The following JAZF1 variants were observed in gnomAD, a reference collection of about 807,000 sequenced individuals.
The protein encoded by JAZF1 is JAZF zinc finger 1.
Under a neutral mutation model 26.4 loss-of-function variants are expected in JAZF1, and 8 were observed. The observed-to-expected ratio is 0.30, with a 90% CI of 0.18 to 0.55. The LOEUF (loss-of-function observed/expected upper bound fraction) is 0.55, where lower values mean the gene tolerates loss of function less well. JAZF1 is among the 20% of genes least tolerant of loss of function. The pLI is 0.94. For synonymous variants in JAZF1, 126 were observed against 122.3 expected, an observed-to-expected ratio of 1.03 and a Z score of -0.20; for missense variants, 199 against 322.0, an observed-to-expected ratio of 0.62 and a Z score of 2.92.
intron 3 of JAZF1, among the ~76,000 whole-genome samples, chr7:27,857,069 T>TG (rs1441671637): frequency 1.3e-5 from 2 of 152,112 alleles, no homozygotes; most frequent in African/African-American, 2.4e-5. Context: ...CCTCAGCCCT[T>TG]GGGTGGTTGA....
intron 1 of JAZF1, among the ~76,000 whole-genome samples, chr7:28,041,636 T>C (rs1053444382): frequency 6.6e-6 from 1 of 152,138 alleles, no homozygotes; most frequent in African/African-American, 2.4e-5. Context: ...TGATTTGCAT[T>C]GATGGGTTAT....
At chr7:27,940,934 C>T (rs1784837644) in intron 2 of JAZF1, among the ~76,000 whole-genome samples, 3 of 152,244 alleles carry the variant, frequency 2.0e-5, no homozygotes, top group African/African-American at 7.2e-5. Context: ...ATATAGTGGC[C>T]TGAAATGACT....
chr7:27,960,121 G>C (rs1785164667), intron 2 of JAZF1, among the ~76,000 whole-genome samples: 1 of 152,198 alleles, frequency 6.6e-6, no homozygotes, highest in Non-Finnish European at 1.5e-5. Flanking sequence ...GTATACATCT[G>C]TGAGCACCTC....
intron 1 of JAZF1, among the ~76,000 whole-genome samples, chr7:28,065,622 T>G (rs1226716790): frequency 6.6e-6 from 1 of 152,162 alleles, no homozygotes; most frequent in Non-Finnish European, 1.5e-5. Flanking sequence ...CCAAAAATGT[T>G]TTACATCCTG....
chr7:27,833,986 A>T (rs1782758675), intron 4 of JAZF1, among the ~76,000 whole-genome samples: 1 of 152,222 alleles, frequency 6.6e-6, no homozygotes. Context: ...AGAGTAAGGG[A>T]ACACAGAAGA....
rs545754261 is a variant in JAZF1 at position 27,894,764 on chromosome 7, G to A, written c.385+456C>T. On this transcript the variant is annotated intron_variant, in intron 3 of 4. Coordinates refer to ENST00000283928, the MANE Select transcript of JAZF1 (RefSeq NM_175061.4). Reference sequence around the variant, plus strand: ...AAGGACTCCCCCTTCTTCTCAAGGTGTTGTAAAAACAATGAAGTCTCCTTG... The same window carrying A: ...AAGGACTCCCCCTTCTTCTCAAGGTATTGTAAAAACAATGAAGTCTCCTTG... Among the ~76,000 whole-genome samples the A allele has an allele frequency of 4.1e-4, 62 of 152,310 alleles. 1 individual carries two copies. Among genetic ancestry groups the A allele is most frequent in the African/African-American group, 1.4e-3 (60 of 41,562 alleles).
At chr7:27,918,240 C>T (rs563036539) in intron 2 of JAZF1, among the ~76,000 whole-genome samples, 2 of 152,246 alleles carry the variant, frequency 1.3e-5, no homozygotes, top group Admixed American at 1.3e-4. Context: ...TTATACTGCA[C>T]TTTAATTATT....
chr7:27,833,728 T>C (rs1011063643), intron 4 of JAZF1, among the ~76,000 whole-genome samples: 16 of 152,254 alleles, frequency 1.1e-4, no homozygotes, highest in Non-Finnish European at 1.8e-4. Flanking sequence ...ATACTAAAGT[T>C]ATCAAAATGC....
chr7:28,138,677 T>G (rs1256923513), intron 1 of JAZF1, among the ~76,000 whole-genome samples: 1 of 152,182 alleles, frequency 6.6e-6, no homozygotes, highest in Non-Finnish European at 1.5e-5. Flanking sequence ...CTTCTTCTTC[T>G]CCAAAGGGTT....
intron 2 of JAZF1, among the ~76,000 whole-genome samples, chr7:27,966,199 ACTC>A (rs1172847943): frequency 6.6e-6 from 1 of 152,124 alleles, no homozygotes; most frequent in Non-Finnish European, 1.5e-5. Context: ...TGAGGGCAAG[ACTC>A]TCCTGCTAAC....
intron 1 of JAZF1, among the ~76,000 whole-genome samples, chr7:28,056,980 T>C (rs1001543209): frequency 3.9e-5 from 6 of 152,216 alleles, no homozygotes; most frequent in Admixed American, 3.9e-4. Context: ...AAAATGTTAA[T>C]TCTATACATT....
At chr7:28,005,579 C>T (rs1331433428) in intron 1 of JAZF1, among the ~76,000 whole-genome samples, 1 of 152,208 alleles carries the variant, frequency 6.6e-6, no homozygotes, top group Non-Finnish European at 1.5e-5. Flanking sequence ...AGCATTATGC[C>T]TGCCGACTCC....
intron 1 of JAZF1, among the ~76,000 whole-genome samples, chr7:28,103,578 G>A (rs1784506503): frequency 6.6e-6 from 1 of 152,112 alleles, no homozygotes; most frequent in African/African-American, 2.4e-5. Context: ...CCTCCAGCCA[G>A]TCACCCTCAT....
At chr7:28,123,120 G>A (rs1782631766) in intron 1 of JAZF1, among the ~76,000 whole-genome samples, 1 of 151,676 alleles carries the variant, frequency 6.6e-6, no homozygotes, top group Admixed American at 6.6e-5. Flanking sequence ...CTCTCCTCTA[G>A]CCACACTGCC....
intron 1 of JAZF1, among the ~76,000 whole-genome samples, chr7:28,092,861 G>GA (rs35589311): frequency 0.054 from 7,443 of 137,110 alleles, 643 homozygotes; most frequent in African/African-American, 0.19. Context: ...GCCCTGTTTC[G>GA]AAAAAAAAAA....
chr7:28,111,758 CT>C (rs1217521969), intron 1 of JAZF1, among the ~76,000 whole-genome samples: 1 of 152,160 alleles, frequency 6.6e-6, no homozygotes, highest in Non-Finnish European at 1.5e-5. Flanking sequence ...CTTCAGGAGA[CT>C]TCCCAGGGGT....
At chr7:27,841,977 T>C (rs954412050) in intron 3 of JAZF1, 5 of 152,308 alleles carry the variant, frequency 3.3e-5, no homozygotes, top group Admixed American at 3.3e-4. Flanking sequence ...GAGGCTACAT[T>C]GCACCAGGGG....
chr7:27,986,828 G>A (rs1421253645), intron 2 of JAZF1, among the ~76,000 whole-genome samples: 1 of 152,168 alleles, frequency 6.6e-6, no homozygotes, highest in Non-Finnish European at 1.5e-5. Flanking sequence ...ACTGGTTTTT[G>A]TATTTTTTGG....
chr7:28,031,239 AAG>A (rs1349603342), intron 1 of JAZF1, among the ~76,000 whole-genome samples: 1 of 152,198 alleles, frequency 6.6e-6, no homozygotes, highest in Non-Finnish European at 1.5e-5. Flanking sequence ...TAGGAAAGAG[AAG>A]AGTCTTTAGA....
Sources: gnomAD v4.1 joint callset for allele counts (sites outside exome capture counted in the v4.1 genomes callset) on GRCh38, gnomAD v4.1.1 for gene constraint, MANE v1.5 for transcripts, NCBI Gene and HGNC (gene_info 2026-07-23, HGNC 2026-07-21) for gene names.